Variants in MTR observed in about 807,000 individuals in gnomAD.
MTR encodes methionine synthase.
In MTR, 84 loss-of-function variants were observed where a neutral mutation model predicts 154.8. That is an observed-to-expected ratio of 0.54 (90% CI 0.45 to 0.65). The LOEUF (loss-of-function observed/expected upper bound fraction) is 0.65, where lower values mean the gene tolerates loss of function less well. Among genes scored for constraint, MTR ranks in the 30% least tolerant of loss-of-function variants. The pLI is 0.00. For synonymous variants in MTR, 554 were observed against 553.9 expected, an observed-to-expected ratio of 1.00 and a Z score of 0.00; for missense variants, 1,275 against 1,570.2, an observed-to-expected ratio of 0.81 and a Z score of 3.18.
chr1:236,823,819 T>TTTTTTTTTTTTTC (rs1662123910), intron 8 of MTR, among the ~76,000 whole-genome samples: 1 of 138,172 alleles, frequency 7.2e-6, no homozygotes, highest in Non-Finnish European at 1.6e-5. Flanking sequence ...TTTTTTTTTT[T>TTTTTTTTTTTTTC]TTTTTTTTTT....
chr1:236,853,189 G>A (rs945377720), intron 18 of MTR, 101 bp downstream of exon 18: 10 of 1,328,456 alleles, frequency 7.5e-6, no homozygotes, highest in Admixed American at 1.7e-5. Context: ...AGCAAATATC[G>A]AATCATATAT....
intron 1 of MTR, among the ~76,000 whole-genome samples, chr1:236,797,005 A>T (rs1489613664): frequency 6.6e-6 from 1 of 151,362 alleles, no homozygotes; most frequent in Admixed American, 6.6e-5. Context: ...AATACTGTGA[A>T]TAGTGAGTGA....
Position 236,838,420 on chromosome 1 carries a change from T to A in MTR, c.1336T>A (p.Leu446Met). The change falls in exon 15 of 33, where the codon TTG becomes ATG. Residue 446 changes from leucine to methionine, a missense_variant. Leu to Met is a conservative substitution (Grantham distance 15). Transcript: ENST00000366577. ...ASEPDIAKVP[L>M]CIDSSNFAVI... ...CTTGCCTTTCTGATCTCAGGTACCT[T>A]TGTGCATCGACTCCTCCAATTTTGC... The A allele has an allele frequency of 6.2e-7, 1 of 1,614,144 alleles. No homozygotes were observed.
chr1:236,834,619 TC>T (rs2103142436), intron 13 of MTR, among the ~76,000 whole-genome samples: 1 of 152,256 alleles, frequency 6.6e-6, no homozygotes, highest in Admixed American at 6.5e-5. Flanking sequence ...ATTTTTTTTT[TC>T]CTTGGGCTAA....
rs778478523 is a variant in MTR, at chr1:236,862,347, A to G, written c.2304+4A>G. On this transcript the variant is annotated splice_donor_region_variant and intron_variant, in intron 21 of 32. Coordinates refer to ENST00000366577, the MANE Select transcript of MTR (RefSeq NM_000254.3). Reference sequence around the variant, plus strand: ...TAACGGCACAGTAGAAGAAGAGGCAAGTCATTTTGTTCAGGCCTATGGGCC... The same window carrying G: ...TAACGGCACAGTAGAAGAAGAGGCAGGTCATTTTGTTCAGGCCTATGGGCC... 5 of 1,611,150 alleles carry G rather than the reference A, an allele frequency of 3.1e-6. No individual in the cohort carries two copies. The highest frequency in any genetic ancestry group is 3.3e-4 in the Middle Eastern group (2 of 6,074).
chr1:236,838,726 A>G (rs1049573187), intron 15 of MTR, 127 bp downstream of exon 15: 12 of 891,554 alleles, frequency 1.3e-5, no homozygotes, highest in Non-Finnish European at 2.1e-5. Flanking sequence ...ATATACATTC[A>G]TGTACATATA....
intron 16 of MTR, among the ~76,000 whole-genome samples, chr1:236,851,282 A>T (rs1663887548): frequency 6.6e-6 from 1 of 152,180 alleles, no homozygotes; most frequent in South Asian, 2.1e-4. Context: ...CTGTACACAG[A>T]TGTCCTTTTT....
rs372119011 is a variant in MTR at position 236,810,432 on chromosome 1, T to C, written c.410-71T>C. On this transcript the variant is annotated intron_variant, in intron 4 of 32. Transcript: ENST00000366577. ...ACCTGTGTTCCAGAAAAAAATCTTA[T>C]TGGCTATTCATTCACGACAAAAAAT... 32 of 1,218,324 alleles carry C rather than the reference T, an allele frequency of 2.6e-5. No individual in the cohort carries two copies. In the East Asian group the frequency reaches 3.0e-4, roughly 12 times the overall value. 75.5% of individuals were successfully genotyped at this position (1,218,324 alleles called of 1,614,324 possible). A position where few individuals can be genotyped will look rare whatever the true frequency, so the allele number is the denominator to read the frequency against.
rs1034045767 is a variant in MTR at position 236,893,279 on chromosome 1, C to T, written c.3205-1078C>T. On this transcript the variant is annotated intron_variant, in intron 29 of 32. Transcript: ENST00000366577. ...TGTGCCATTACCAAACACCTCCTCG[C>T]CTGTACTTAACAATTTCCTGCCCTG... Among the ~76,000 whole-genome samples, 3 of 152,224 alleles carry T rather than the reference C, an allele frequency of 2.0e-5. No homozygotes were observed. In the South Asian group the frequency reaches 6.2e-4, roughly 31 times the overall value.
intron 25 of MTR, 58 bp from the exon 26 acceptor site, chr1:236,885,063 C>G: frequency 9.5e-7 from 1 of 1,052,950 alleles, no homozygotes. Context: ...TCAGCATTGA[C>G]CATTACTACA....
chr1:236,836,642 C>G (rs1240534957), intron 14 of MTR, among the ~76,000 whole-genome samples: 1 of 152,138 alleles, frequency 6.6e-6, no homozygotes, highest in East Asian at 1.9e-4. Flanking sequence ...TCAGCAGATT[C>G]AGCAGATTTA....
intron 15 of MTR, among the ~76,000 whole-genome samples, chr1:236,840,995 T>C (rs1053428903): frequency 1.3e-5 from 2 of 152,236 alleles, no homozygotes; most frequent in African/African-American, 4.8e-5. Flanking sequence ...GTGTGGGACC[T>C]TTTGATAATT....
chr1:236,872,942 G>A (rs1046269563), intron 22 of MTR, among the ~76,000 whole-genome samples: 7 of 152,170 alleles, frequency 4.6e-5, no homozygotes, highest in African/African-American at 1.4e-4. Flanking sequence ...CCGTAATCAC[G>A]CCACTGCACT....
At chr1:236,816,853 C>T (rs1326858092) in intron 8 of MTR, among the ~76,000 whole-genome samples, 2 of 152,124 alleles carry the variant, frequency 1.3e-5, no homozygotes, top group Non-Finnish European at 2.9e-5. Flanking sequence ...ATTTATGAGG[C>T]AACCAGAAGC....
intron 30 of MTR, 87 bp downstream of exon 30, chr1:236,894,644 C>G: frequency 1.5e-6 from 2 of 1,333,600 alleles, no homozygotes; most frequent in Non-Finnish European, 2.1e-6. Flanking sequence ...CTGATCAGCC[C>G]TTAGAACCAG....
intron 1 of MTR, among the ~76,000 whole-genome samples, chr1:236,800,711 G>A (rs78787544): frequency 0.057 from 8,659 of 152,206 alleles, 425 homozygotes; most frequent in South Asian, 0.13. Flanking sequence ...TTCAGTCCTT[G>A]CTGTGCTATA....
intron 24 of MTR, among the ~76,000 whole-genome samples, chr1:236,877,442 G>A (rs1163401033): frequency 6.6e-6 from 1 of 152,150 alleles, no homozygotes; most frequent in Non-Finnish European, 1.5e-5. Context: ...AGTAACCACT[G>A]TTCTTTCTTG....
At chr1:236,851,071 T>A (rs866995844) in intron 16 of MTR, among the ~76,000 whole-genome samples, 2 of 152,236 alleles carry the variant, frequency 1.3e-5, no homozygotes, top group Admixed American at 6.5e-5. Flanking sequence ...TTGATTTGCA[T>A]CATCTATGGA....
intron 4 of MTR, among the ~76,000 whole-genome samples, chr1:236,810,036 C>T (rs750923005): frequency 6.6e-6 from 1 of 152,132 alleles, no homozygotes; most frequent in African/African-American, 2.4e-5. Flanking sequence ...GCAGAACTTA[C>T]GTTAAGTTCA....
Sources: gnomAD v4.1 joint callset for allele counts (sites outside exome capture counted in the v4.1 genomes callset) on GRCh38, gnomAD v4.1.1 for gene constraint, MANE v1.5 for transcripts, NCBI Gene and HGNC (gene_info 2026-07-23, HGNC 2026-07-21) for gene names.